Variants in ATXN7 observed in about 807,000 individuals in gnomAD.
ATXN7 encodes ataxin-7.
A neutral mutation model predicts 70.5 loss-of-function variants in ATXN7; 12 were observed. That is an observed-to-expected ratio of 0.17 (90% CI 0.11 to 0.28). The LOEUF is 0.28. Among genes scored for constraint, ATXN7 ranks in the 10% least tolerant of loss-of-function variants. The pLI is 1.00. For synonymous variants in ATXN7, 498 were observed against 448.7 expected (o/e 1.11, Z -1.39); for missense variants, 1,256 against 1,131.7 (o/e 1.11, Z -1.58).
chr3:63,870,208 A>T (rs1702555594), intron 1 of ATXN7, among the ~76,000 whole-genome samples: 1 of 152,240 alleles, frequency 6.6e-6, no homozygotes, highest in Non-Finnish European at 1.5e-5. Flanking sequence ...TTTGAATTTC[A>T]TGCAATTTTT....
intron 4 of ATXN7, among the ~76,000 whole-genome samples, chr3:63,924,591 G>C (rs1704641615): frequency 6.6e-6 from 1 of 152,174 alleles, no homozygotes. Flanking sequence ...GAAGAGAGAA[G>C]AACATGCTTT....
rs2075819327 is a variant in ATXN7 at position 64,000,218 on chromosome 3, A to G, written c.*751A>G. On this transcript the variant is annotated 3_prime_UTR_variant, in exon 13 of 13. Transcript: ENST00000674280. ...CATGATACAAAAGCAATTCTGTGTG[A>G]TTTTTTTTTTTAAGAAGAAAGAAAA... 1 of 126,878 alleles carries G rather than the reference A, an allele frequency of 7.9e-6. No homozygotes were observed. Among genetic ancestry groups the G allele is most frequent in the Admixed American group, 9.5e-5 (1 of 10,552 alleles). 7.9% of individuals were successfully genotyped at this position (126,878 alleles called of 1,614,324 possible). A position where few individuals can be genotyped will look rare whatever the true frequency, so the allele number is the denominator to read the frequency against.
Position 63,906,442 on chromosome 3 carries a change from G to A in ATXN7, c.-11-6146G>A, listed in dbSNP as rs537013109. ...CAATTTGGAGACATGGTTACAACTC[G>A]TCTTATGGTTTGTGGGAAAGTGGGT... On this transcript the variant is annotated intron_variant, in intron 2 of 12. Transcript: ENST00000674280. Among the ~76,000 whole-genome samples the A allele has an allele frequency of 5.3e-5, 8 of 152,284 alleles. No homozygotes were observed. In the South Asian group the frequency reaches 1.0e-3, roughly 20 times the overall value.
intron 2 of ATXN7, among the ~76,000 whole-genome samples, chr3:63,911,144 G>T (rs1704001308): frequency 6.6e-6 from 1 of 152,108 alleles, no homozygotes; most frequent in Admixed American, 6.5e-5. Flanking sequence ...TGTGAAACAT[G>T]CGTGAAACAT....
intron 5 of ATXN7, among the ~76,000 whole-genome samples, chr3:63,964,088 A>G (rs2075178890): frequency 6.6e-6 from 1 of 151,204 alleles, no homozygotes; most frequent in African/African-American, 2.5e-5. Flanking sequence ...ACACACACAC[A>G]CACACACACA....
At chr3:63,988,751 A>G (rs2075618777) in intron 9 of ATXN7, among the ~76,000 whole-genome samples, 1 of 152,190 alleles carries the variant, frequency 6.6e-6, no homozygotes, top group Non-Finnish European at 1.5e-5. Context: ...CCGTTTATCA[A>G]TGTGTTTTCA....
At chr3:63,979,693 T>C (rs1391084297) in intron 5 of ATXN7, among the ~76,000 whole-genome samples, 1 of 152,162 alleles carries the variant, frequency 6.6e-6, no homozygotes, top group Non-Finnish European at 1.5e-5. Flanking sequence ...GATAAAACTC[T>C]TTATGCTGAG....
chr3:63,940,285 T>TCA (rs34660611), intron 4 of ATXN7, among the ~76,000 whole-genome samples: 31,020 of 141,240 alleles, frequency 0.22, 3,164 homozygotes, highest in Admixed American at 0.25. Flanking sequence ...CCATGCCCCA[T>TCA]CACACACACA....
chr3:63,981,405 A>T (rs1452905464), intron 6 of ATXN7, among the ~76,000 whole-genome samples: 3 of 152,246 alleles, frequency 2.0e-5, no homozygotes, highest in African/African-American at 7.2e-5. Context: ...CCACTGAACA[A>T]AGTTTATACA....
intron 2 of ATXN7, chr3:63,912,120 G>C (rs1404360922): frequency 2.6e-5 from 4 of 152,226 alleles, no homozygotes; most frequent in Non-Finnish European, 5.9e-5. Context: ...TCGGACGGAC[G>C]CGCGGACGGA....
chr3:63,895,637 C>T (rs993952065), intron 1 of ATXN7, among the ~76,000 whole-genome samples: 16 of 152,132 alleles, frequency 1.1e-4, no homozygotes, highest in African/African-American at 3.4e-4. Context: ...TTGGGCCACT[C>T]AGGGGCTATG....
At chr3:63,887,627 C>G (rs1703128946) in intron 1 of ATXN7, among the ~76,000 whole-genome samples, 1 of 151,944 alleles carries the variant, frequency 6.6e-6, no homozygotes, top group Non-Finnish European at 1.5e-5. Flanking sequence ...ACTCTGCCAC[C>G]CAGGCTGGAG....
chr3:63,877,687 A>G (rs1234027605), intron 1 of ATXN7, among the ~76,000 whole-genome samples: 1 of 152,242 alleles, frequency 6.6e-6, no homozygotes, highest in Non-Finnish European at 1.5e-5. Context: ...GCTTATTGAT[A>G]TGAGCCATAA....
At chr3:63,975,007 C>T (rs935177706) in intron 5 of ATXN7, among the ~76,000 whole-genome samples, 1 of 152,122 alleles carries the variant, frequency 6.6e-6, no homozygotes, top group African/African-American at 2.4e-5. Flanking sequence ...TGAATCTTCC[C>T]ACATGGCTCA....
intron 11 of ATXN7, 159 bp downstream of exon 11, chr3:63,991,018 C>T: frequency 9.9e-7 from 1 of 1,010,366 alleles, no homozygotes; most frequent in Non-Finnish European, 1.4e-6. Context: ...ATTCATTTAC[C>T]CCTTTACCCC....
At chr3:63,937,113 A>T (rs2107353750) in intron 4 of ATXN7, among the ~76,000 whole-genome samples, 1 of 152,346 alleles carries the variant, frequency 6.6e-6, no homozygotes, top group Admixed American at 6.5e-5. Context: ...AGATGGGGGT[A>T]CGAATTAATT....
chr3:63,867,658 C>A (rs937449247), intron 1 of ATXN7, among the ~76,000 whole-genome samples: 1 of 150,622 alleles, frequency 6.6e-6, no homozygotes, highest in Non-Finnish European at 1.5e-5. Context: ...TAGGCCGAGG[C>A]GGGTGGATCA....
At chr3:63,894,867 C>A (rs1703396141) in intron 1 of ATXN7, among the ~76,000 whole-genome samples, 1 of 152,088 alleles carries the variant, frequency 6.6e-6, no homozygotes, top group Non-Finnish European at 1.5e-5. Flanking sequence ...TGAGATAAAT[C>A]TCTCTTGGTT....
At chr3:63,876,661 A>G (rs764919324) in intron 1 of ATXN7, among the ~76,000 whole-genome samples, 2 of 152,204 alleles carry the variant, frequency 1.3e-5, no homozygotes, top group Non-Finnish European at 2.9e-5. Context: ...CATAATAAAC[A>G]GCGGTCCTGA....
Sources: gnomAD v4.1 joint callset for allele counts (sites outside exome capture counted in the v4.1 genomes callset) on GRCh38, gnomAD v4.1.1 for gene constraint, MANE v1.5 for transcripts, NCBI Gene and HGNC (gene_info 2026-07-23, HGNC 2026-07-21) for gene names.